The following TASOR2 variants were observed in gnomAD, a reference collection of about 807,000 sequenced individuals.
The protein encoded by TASOR2 is protein TASOR 2.
In TASOR2, 84 loss-of-function variants were observed where a neutral mutation model predicts 199.5. The observed-to-expected ratio is 0.42, with a 90% CI of 0.35 to 0.50. The LOEUF is 0.50. Ranked by LOEUF, TASOR2 falls within the 20% of genes least tolerant of loss-of-function variation. The pLI is 0.02. For missense variants in TASOR2, 2,796 were observed against 2,835.9 expected (o/e 0.99, Z 0.32); for synonymous variants, 1,103 against 1,046.6 (o/e 1.05, Z -1.04).
At position 5,723,376 on chromosome 10, in the gene TASOR2, A is replaced by AT. The variant is rs202033231; in HGVS notation, c.147-293dup. 5.0e-3 allele frequency among the ~76,000 whole-genome samples: 754 copies of AT among 151,838 alleles called. 4 individuals are homozygous for AT. Among genetic ancestry groups the AT allele is most frequent in the African/African-American group, 0.017 (684 of 41,434 alleles). ...TGGCAAATAACTCATAAATAGCATA[A>AT]TTTTTTTTAATTCCTTATTCCTGTA... On this transcript the variant is annotated intron_variant, in intron 6 of 20. Transcript: ENST00000328090.
At chr10:5,694,220 G>A (rs1161302193) in intron 1 of TASOR2, among the ~76,000 whole-genome samples, 2 of 152,216 alleles carry the variant, frequency 1.3e-5, no homozygotes, top group Non-Finnish European at 2.9e-5. Flanking sequence ...AGAGCAAGAT[G>A]AGGTATAGGA....
exon 8 of TASOR2, chr10:5,724,430 T>C: frequency 6.7e-7 from 1 of 1,502,784 alleles, no homozygotes. Flanking sequence ...TTCTCTACAG[T>C]CTGTTTTCAA....
At chr10:5,758,362 G>C (rs1400011243) in intron 17 of TASOR2, among the ~76,000 whole-genome samples, 1 of 152,066 alleles carries the variant, frequency 6.6e-6, no homozygotes, top group Non-Finnish European at 1.5e-5. Context: ...GCAACATAGT[G>C]AGATCCCATC....
Position 5,714,130 on chromosome 10 carries a change from T to A in TASOR2, c.-192+1212T>A, listed in dbSNP as rs1343167747. 23 of 1,231,028 alleles carry A rather than the reference T, an allele frequency of 1.9e-5. No homozygotes were observed. The highest frequency in any genetic ancestry group is 2.2e-5 in the Non-Finnish European group (22 of 987,032). The allele number at this position is 1,231,028 out of a possible 1,614,324, so 76.3% of individuals were successfully genotyped here. A position where few individuals can be genotyped will look rare whatever the true frequency, so the allele number is the denominator to read the frequency against. ...GACTGAAGCAAAGTAATCTTTTGTT[T>A]AAAGGCAAAATTGGTATGTCAGTGT... On this transcript the variant is annotated intron_variant, in intron 2 of 20. Coordinates refer to ENST00000328090, the Ensembl canonical transcript of TASOR2.
intron 1 of TASOR2, among the ~76,000 whole-genome samples, chr10:5,691,567 A>C (rs1169464846): frequency 1.3e-5 from 2 of 152,196 alleles, no homozygotes; most frequent in African/African-American, 4.8e-5. Context: ...AATCTACATA[A>C]TTGTTTATGA....
intron 8 of TASOR2, among the ~76,000 whole-genome samples, chr10:5,725,810 C>T (rs1035985047): frequency 1.3e-5 from 2 of 151,938 alleles, no homozygotes; most frequent in African/African-American, 4.8e-5. Flanking sequence ...AATCATAGCT[C>T]CTGTAAGTCA....
chr10:5,758,933 T>G, exon 18 of TASOR2: 1 of 1,614,104 alleles, frequency 6.2e-7, no homozygotes, highest in Non-Finnish European at 8.5e-7. Flanking sequence ...TAAATGGAAA[T>G]GGAAGATGGA....
chr10:5,690,142 T>G lies in TASOR2; in HGVS notation c.-288+4967T>G, dbSNP rs1836265989. 1.3e-5 allele frequency among the ~76,000 whole-genome samples: 2 copies of G among 152,232 alleles called. No individual in the cohort carries two copies. Among genetic ancestry groups the G allele is most frequent in the African/African-American group, 4.8e-5 (2 of 41,466 alleles). On this transcript the variant is annotated intron_variant, in intron 1 of 20. Coordinates refer to ENST00000328090, the Ensembl canonical transcript of TASOR2. The surrounding 1 kb of genome is among the most constrained non-coding windows in gnomAD (Gnocchi z 4.8). ...TTTTTTCCTTTTTACTTATTTATATTTGCTAAAAGATTACCTACTTTATTA... is the reference window on the plus strand; with the variant it reads ...TTTTTTCCTTTTTACTTATTTATATGTGCTAAAAGATTACCTACTTTATTA...
intron 3 of TASOR2, among the ~76,000 whole-genome samples, chr10:5,718,777 AAGTG>A (rs1327384772): frequency 1.1e-4 from 17 of 151,252 alleles, no homozygotes; most frequent in Non-Finnish European, 2.1e-4. Context: ...AAAAAAAAAA[AAGTG>A]GTGGGGGAGT....
rs866408130 is a variant in TASOR2, at chr10:5,738,744, C to A, written c.1448-874C>A. Among the ~76,000 whole-genome samples the A allele has an allele frequency of 7.1e-6, 1 of 140,186 alleles. No individual in the cohort carries two copies. Among genetic ancestry groups the A allele is most frequent in the African/African-American group, 2.7e-5 (1 of 36,814 alleles). 92.0% of individuals were successfully genotyped at this position (140,186 alleles called of 152,430 possible). ...GAACATAGTTGGCTTTTCTGGTCAT[C>A]TGTCTACCTGCAGCAGGGAATCATT... On this transcript the variant is annotated intron_variant, in intron 12 of 20. Coordinates refer to ENST00000328090, the Ensembl canonical transcript of TASOR2. The surrounding 1 kb of genome is among the most constrained non-coding windows in gnomAD (Gnocchi z 4.7).
intron 12 of TASOR2, among the ~76,000 whole-genome samples, chr10:5,736,159 G>A (rs546465201): frequency 7.9e-5 from 12 of 151,994 alleles, no homozygotes; most frequent in Non-Finnish European, 1.5e-4. Context: ...GGTGTCTCAC[G>A]CCTGTAATCC....
At chr10:5,709,644 AG>A in intron 1 of TASOR2, 5 of 1,231,128 alleles carry the variant, frequency 4.1e-6, no homozygotes, top group Non-Finnish European at 5.1e-6. Flanking sequence ...AGATCGAGAC[AG>A]GGTCCCTATC....
At chr10:5,734,225 T>A (rs1262364038) in intron 11 of TASOR2, among the ~76,000 whole-genome samples, 1 of 152,240 alleles carries the variant, frequency 6.6e-6, no homozygotes, top group African/African-American at 2.4e-5. Context: ...AAGCAGGTGT[T>A]TAGTATTTCC....
chr10:5,746,942 G>A, exon 15 of TASOR2: 7 of 1,614,212 alleles, frequency 4.3e-6, no homozygotes, highest in Non-Finnish European at 5.9e-6. Flanking sequence ...CTATCACCCA[G>A]TGAAGAAGTG....
At chr10:5,694,015 C>T (rs1431441699) in intron 1 of TASOR2, among the ~76,000 whole-genome samples, 1 of 151,682 alleles carries the variant, frequency 6.6e-6, no homozygotes, top group Non-Finnish European at 1.5e-5. Context: ...CAGGGTAATC[C>T]GAGGTTTATC....
At chr10:5,707,885 C>T (rs1041274636) in intron 1 of TASOR2, among the ~76,000 whole-genome samples, 1 of 152,134 alleles carries the variant, frequency 6.6e-6, no homozygotes, top group African/African-American at 2.4e-5. Context: ...TCTTTAACCA[C>T]TGTCTCAAAA....
At chr10:5,694,570 T>G (rs552697811) in intron 1 of TASOR2, among the ~76,000 whole-genome samples, 52 of 152,344 alleles carry the variant, frequency 3.4e-4, no homozygotes, top group African/African-American at 1.0e-3. Flanking sequence ...AGATATGGTA[T>G]ATTACACATA....
chr10:5,713,431 G>A (rs1564280327), intron 2 of TASOR2, among the ~76,000 whole-genome samples: 1 of 151,954 alleles, frequency 6.6e-6, no homozygotes, highest in Non-Finnish European at 1.5e-5. Flanking sequence ...TACAGGGTAG[G>A]TCTCCAAAGA....
rs149538385 is a variant in TASOR2 at position 5,752,182 on chromosome 10, G to A, written c.6606+2155G>A. 6.6e-6 allele frequency among the ~76,000 whole-genome samples: 1 copy of A among 152,130 alleles called. No homozygotes were observed. Among genetic ancestry groups the A allele is most frequent in the Non-Finnish European group, 1.5e-5 (1 of 68,030 alleles). On this transcript the variant is annotated intron_variant, in intron 15 of 20. Coordinates refer to ENST00000328090, the Ensembl canonical transcript of TASOR2. This position sits in a 1 kb window ranked among gnomAD's most constrained non-coding sequence, Gnocchi z 4.4. ...CCTCAGAGCCCCAACATGTGCAGGTGGGGGGGATGTTGCTTTTTTGTCATG... is the reference window on the plus strand; with the variant it reads ...CCTCAGAGCCCCAACATGTGCAGGTAGGGGGGATGTTGCTTTTTTGTCATG...
Sources: allele counts gnomAD v4.1 joint callset (sites outside exome capture counted in the v4.1 genomes callset), GRCh38; gene constraint gnomAD v4.1.1; non-coding constraint Gnocchi (gnomAD v3.1); transcripts MANE v1.5; gene names NCBI Gene and HGNC (gene_info 2026-07-23, HGNC 2026-07-21).